NCAM1: variants seen among roughly 807,000 people sequenced by gnomAD.
The protein encoded by NCAM1 is antigen recognized by monoclonal antibody 5.1H11.
A neutral mutation model predicts 109.8 loss-of-function variants in NCAM1; 14 were observed. The ratio of observed to expected loss-of-function variants is 0.13; its 90% CI spans 0.08 to 0.20. The LOEUF (loss-of-function observed/expected upper bound fraction) is 0.20. NCAM1 is among the 10% of genes least tolerant of loss of function. The pLI is 1.00. For synonymous variants in NCAM1, 418 were observed against 442.9 expected (o/e 0.94, Z 0.70); for missense variants, 774 against 1,109.9 (o/e 0.70, Z 4.30).
At chr11:113,178,134 CCTA>C (rs1344506898) in intron 1 of NCAM1, among the ~76,000 whole-genome samples, 1 of 152,180 alleles carries the variant, frequency 6.6e-6, no homozygotes, top group Non-Finnish European at 1.5e-5. Context: ...TTACAAATTT[CCTA>C]CTTTCTTCTT....
intron 1 of NCAM1, among the ~76,000 whole-genome samples, chr11:113,056,086 G>A (rs1232135467): frequency 2.2e-5 from 3 of 138,872 alleles, no homozygotes; most frequent in Non-Finnish European, 4.6e-5. Flanking sequence ...AAAAAAGAAG[G>A]AAATCCTGTC....
intron 1 of NCAM1, among the ~76,000 whole-genome samples, chr11:112,961,995 C>G (rs919178532): frequency 1.3e-5 from 2 of 152,172 alleles, no homozygotes; most frequent in African/African-American, 4.8e-5. Flanking sequence ...GGGCAGCGCT[C>G]CTTCCCCAAA....
rs114499943 is a variant in NCAM1, at chr11:113,054,950, T to C, written c.52+93286T>C. Among the ~76,000 whole-genome samples, 1,211 of 152,232 alleles carry C rather than the reference T, an allele frequency of 8.0e-3. 18 individuals are homozygous for C. Among genetic ancestry groups the C allele is most frequent in the African/African-American group, 0.027 (1,141 of 41,530 alleles). ...ATACCTTAAAGTGACCCCTGTGTCA[T>C]TGGCCATCTTAGGGCGACCTGGCTG... is the stretch of plus-strand genomic sequence containing the variant. On this transcript the variant is annotated intron_variant, in intron 1 of 19. Transcript: ENST00000316851.
rs1945913007 is a variant in NCAM1 at position 113,259,195 on chromosome 11, G to A, written c.1954-951G>A. On this transcript the variant is annotated intron_variant, in intron 16 of 19. Transcript: ENST00000316851. ...GCCTCCCAAGTAGCTGGGACTACAGGCGCCCGCCACTACGCCCGGCTAATT... is the reference window on the plus strand; with the variant it reads ...GCCTCCCAAGTAGCTGGGACTACAGACGCCCGCCACTACGCCCGGCTAATT... Among the ~76,000 whole-genome samples, 12 of 150,882 alleles carry A rather than the reference G, an allele frequency of 8.0e-5. No homozygotes were observed. The South Asian group carries it at 2.1e-3, about 26-fold the overall frequency.
At chr11:113,039,527 G>A (rs554314168) in intron 1 of NCAM1, among the ~76,000 whole-genome samples, 5 of 152,200 alleles carry the variant, frequency 3.3e-5, no homozygotes, top group Non-Finnish European at 7.3e-5. Context: ...ATTTAGTTAT[G>A]AAGCAAACCA....
chr11:113,206,640 C>T (rs1565499195), intron 5 of NCAM1, among the ~76,000 whole-genome samples: 2 of 152,110 alleles, frequency 1.3e-5, no homozygotes, highest in African/African-American at 4.8e-5. Flanking sequence ...CTGACATTTA[C>T]AAGATGTTTA....
intron 1 of NCAM1, among the ~76,000 whole-genome samples, chr11:112,988,868 C>T (rs2134782879): frequency 6.6e-6 from 1 of 152,018 alleles, no homozygotes; most frequent in Non-Finnish European, 1.5e-5. Context: ...ATCCCTCAGC[C>T]ACCCACGTAG....
At chr11:113,044,377 A>G (rs1409391229) in intron 1 of NCAM1, among the ~76,000 whole-genome samples, 1 of 152,098 alleles carries the variant, frequency 6.6e-6, no homozygotes, top group African/African-American at 2.4e-5. Context: ...ACATACACAC[A>G]TACATGCTGT....
At chr11:112,997,175 C>G (rs1016266782) in intron 1 of NCAM1, among the ~76,000 whole-genome samples, 1 of 151,874 alleles carries the variant, frequency 6.6e-6, no homozygotes, top group East Asian at 1.9e-4. Flanking sequence ...AAGAAGGATA[C>G]TTACTGCATG....
intron 14 of NCAM1, among the ~76,000 whole-genome samples, chr11:113,241,729 C>G (rs1945333135): frequency 6.6e-6 from 1 of 152,186 alleles, no homozygotes; most frequent in Non-Finnish European, 1.5e-5. Context: ...GGAGGAATAG[C>G]AAAGTAAGAC....
Position 113,236,656 on chromosome 11 carries a change from C to T in NCAM1, c.1825+1492C>T, listed in dbSNP as rs17115232. ...GTCTGCAGATGGGCCCTGAATAACA[C>T]GCTATAGCCCCGCCTCACCTTCAGC... On this transcript the variant is annotated intron_variant, in intron 14 of 19. Coordinates refer to ENST00000316851, the MANE Select transcript of NCAM1 (RefSeq NM_181351.5). Among the ~76,000 whole-genome samples, 947 of 152,334 alleles carry T rather than the reference C, an allele frequency of 6.2e-3. 9 individuals carry two copies. Among genetic ancestry groups the T allele is most frequent in the African/African-American group, 0.022 (904 of 41,568 alleles).
At chr11:113,042,493 C>G (rs1040484450) in intron 1 of NCAM1, among the ~76,000 whole-genome samples, 2 of 152,168 alleles carry the variant, frequency 1.3e-5, no homozygotes, top group Non-Finnish European at 2.9e-5. Context: ...TCCCAGTCCC[C>G]GAATGCAGGT....
At chr11:113,164,398 G>A (rs1942709123) in intron 1 of NCAM1, among the ~76,000 whole-genome samples, 1 of 152,134 alleles carries the variant, frequency 6.6e-6, no homozygotes, top group South Asian at 2.1e-4. Flanking sequence ...TCTACCTGGA[G>A]TTAGAGTCAG....
chr11:113,144,600 G>C (rs566995590), intron 1 of NCAM1, among the ~76,000 whole-genome samples: 3 of 152,078 alleles, frequency 2.0e-5, no homozygotes, highest in African/African-American at 7.2e-5. Context: ...AAGTGAAAAA[G>C]AGCTGACCCT....
intron 1 of NCAM1, among the ~76,000 whole-genome samples, chr11:113,163,131 ACT>A (rs1346968187): frequency 6.6e-6 from 1 of 152,082 alleles, no homozygotes; most frequent in Non-Finnish European, 1.5e-5. Context: ...GCAACCTCAA[ACT>A]CTGCTGACCT....
intron 9 of NCAM1, 179 bp from the exon 10 acceptor site, chr11:113,231,466 C>T (rs148787950): frequency 1.3e-5 from 11 of 864,264 alleles, no homozygotes; most frequent in Non-Finnish European, 1.9e-5. Context: ...CTTCCCAGTG[C>T]CTCCCCCATT....
chr11:113,137,330 A>G (rs1941638037), intron 1 of NCAM1, among the ~76,000 whole-genome samples: 1 of 152,270 alleles, frequency 6.6e-6, no homozygotes, highest in Non-Finnish European at 1.5e-5. Context: ...TAGACCTGGT[A>G]GTAAGTTATT....
chr11:113,193,918 C>A (rs985439351), intron 1 of NCAM1, among the ~76,000 whole-genome samples: 1 of 152,120 alleles, frequency 6.6e-6, no homozygotes, highest in African/African-American at 2.4e-5. Context: ...GGGCAGCAAC[C>A]ATGGTTTGAA....
At chr11:113,023,792 T>C (rs1952461708) in intron 1 of NCAM1, among the ~76,000 whole-genome samples, 1 of 152,190 alleles carries the variant, frequency 6.6e-6, no homozygotes, top group South Asian at 2.1e-4. Context: ...GAGGACATTC[T>C]TTTAAAATAG....
Sources: gnomAD v4.1 joint callset for allele counts (sites outside exome capture counted in the v4.1 genomes callset) on GRCh38, gnomAD v4.1.1 for gene constraint, MANE v1.5 for transcripts, NCBI Gene and HGNC (gene_info 2026-07-23, HGNC 2026-07-21) for gene names.